NFIA: variants seen among roughly 807,000 people sequenced by gnomAD.
NFIA encodes nuclear factor 1 A-type.
Under a neutral mutation model 62.8 loss-of-function variants are expected in NFIA, and 8 were observed. The observed-to-expected ratio is 0.13, with a 90% CI of 0.07 to 0.23. The LOEUF (loss-of-function observed/expected upper bound fraction) is 0.23, where lower values mean the gene tolerates loss of function less well. Among genes scored for constraint, NFIA ranks in the 10% least tolerant of loss-of-function variants. The probability of loss-of-function intolerance (pLI) is 1.00; values close to 1 mark genes in which losing one functional copy is unlikely to be tolerated. For missense variants in NFIA, 410 were observed against 642.1 expected (o/e 0.64, Z 3.91); for synonymous variants, 235 against 238.1 (o/e 0.99, Z 0.12).
upstream of NFIA, among the ~76,000 whole-genome samples, chr1:61,077,898 AT>A (rs1317696376): frequency 2.9e-5 from 4 of 135,760 alleles, no homozygotes; most frequent in East Asian, 2.1e-4. Flanking sequence ...AGCTTGACAG[AT>A]TTTTTTTTCC....
intron 2 of NFIA, among the ~76,000 whole-genome samples, chr1:61,099,211 A>G (rs1221647833): frequency 2.0e-5 from 3 of 152,218 alleles, no homozygotes; most frequent in Non-Finnish European, 2.9e-5. Flanking sequence ...CTGATTATGC[A>G]TAGCTTTTTA....
chr1:61,313,907 G>A (rs955261639), intron 3 of NFIA, among the ~76,000 whole-genome samples: 10 of 152,142 alleles, frequency 6.6e-5, no homozygotes, highest in African/African-American at 1.9e-4. Flanking sequence ...GTTACTGTCT[G>A]TGTGACCTTA....
chr1:61,414,207 T>G lies in NFIA; in HGVS notation c.1420+7480T>G, dbSNP rs185774064. 5.6e-3 allele frequency among the ~76,000 whole-genome samples: 845 copies of G among 152,184 alleles called. 6 individuals carry two copies. Among genetic ancestry groups the G allele is most frequent in the South Asian group, 7.9e-3 (38 of 4,814 alleles). ...CATGTTGGCCAGGCTAGTCTCAAAC[T>G]CCTGGCCTCAAGCGGTCCACCTGCC... On this transcript the variant is annotated intron_variant, in intron 9 of 10. Coordinates refer to ENST00000403491, the MANE Select transcript of NFIA (RefSeq NM_001134673.4).
At chr1:61,329,875 T>A (rs183087185) in intron 3 of NFIA, among the ~76,000 whole-genome samples, 1 of 152,254 alleles carries the variant, frequency 6.6e-6, no homozygotes, top group African/African-American at 2.4e-5. Context: ...AGAGAGATGA[T>A]AGACAGCACA....
intron 3 of NFIA, among the ~76,000 whole-genome samples, chr1:61,310,004 G>T (rs1660013045): frequency 6.6e-6 from 1 of 152,202 alleles, no homozygotes; most frequent in Non-Finnish European, 1.5e-5. Flanking sequence ...TAAAATGGAA[G>T]TCTGTTTTTA....
intron 9 of NFIA, among the ~76,000 whole-genome samples, chr1:61,416,680 A>G (rs1332996004): frequency 6.6e-6 from 1 of 152,214 alleles, no homozygotes; most frequent in Non-Finnish European, 1.5e-5. Flanking sequence ...AGAATTATTA[A>G]AAATCAAGCA....
chr1:61,142,565 G>C (rs1647609716), intron 2 of NFIA, among the ~76,000 whole-genome samples: 1 of 152,066 alleles, frequency 6.6e-6, no homozygotes, highest in Non-Finnish European at 1.5e-5. Context: ...AGTCCAAATG[G>C]GTACCTTTCT....
In NFIA at chr1:61,453,736, G is replaced by A. The variant is rs949838721; in HGVS notation, c.1513-1567G>A. Reference sequence around the variant, plus strand: ...GAAGGGAGGAAGCGGCTCTAACGTGGATGAGAGTCAGCTGTTAGGTAGAGG... The same window carrying A: ...GAAGGGAGGAAGCGGCTCTAACGTGAATGAGAGTCAGCTGTTAGGTAGAGG... On this transcript the variant is annotated intron_variant, in intron 10 of 10. Transcript: ENST00000403491. Among the ~76,000 whole-genome samples, 6 of 152,190 alleles carry A rather than the reference G, an allele frequency of 3.9e-5. No homozygotes were observed. The East Asian group carries it at 7.7e-4, about 20-fold the overall frequency.
intron 7 of NFIA, among the ~76,000 whole-genome samples, chr1:61,390,475 A>T (rs1399376427): frequency 6.6e-6 from 1 of 152,172 alleles, no homozygotes; most frequent in African/African-American, 2.4e-5. Context: ...CTGTTTGGAG[A>T]GGTAGTCAGA....
chr1:61,089,935 T>G (rs1194493617), intron 2 of NFIA, among the ~76,000 whole-genome samples: 1 of 152,202 alleles, frequency 6.6e-6, no homozygotes, highest in African/African-American at 2.4e-5. Flanking sequence ...ATTTGCATTC[T>G]GTTGGCAGGG....
At chr1:61,155,278 A>C (rs149163317) in intron 2 of NFIA, among the ~76,000 whole-genome samples, 1 of 152,342 alleles carries the variant, frequency 6.6e-6, no homozygotes, top group Admixed American at 6.5e-5. Flanking sequence ...TACATGCTGG[A>C]TCACCCATAT....
intron 2 of NFIA, among the ~76,000 whole-genome samples, chr1:61,151,948 C>T (rs912828742): frequency 2.0e-5 from 3 of 152,198 alleles, no homozygotes; most frequent in Non-Finnish European, 2.9e-5. Context: ...TGGCATCTCT[C>T]ACTTAAGAAC....
chr1:61,134,298 C>T (rs1426098893), intron 2 of NFIA, among the ~76,000 whole-genome samples: 1 of 149,394 alleles, frequency 6.7e-6, no homozygotes, highest in East Asian at 2.0e-4. Flanking sequence ...ACAGAAAATC[C>T]TTTATCTCTT....
At chr1:61,268,276 C>T (rs1373404873) in intron 2 of NFIA, among the ~76,000 whole-genome samples, 11 of 152,202 alleles carry the variant, frequency 7.2e-5, no homozygotes, top group Admixed American at 6.5e-4. Flanking sequence ...GCCATTCTTA[C>T]TCCTATCCTT....
At chr1:61,112,389 C>G (rs1030026601) in intron 2 of NFIA, among the ~76,000 whole-genome samples, 1 of 151,982 alleles carries the variant, frequency 6.6e-6, no homozygotes, top group Admixed American at 6.6e-5. Flanking sequence ...CCATGACTTA[C>G]TAGGTGTTAT....
intron 10 of NFIA, among the ~76,000 whole-genome samples, chr1:61,443,129 T>A (rs1667658127): frequency 6.6e-6 from 1 of 152,202 alleles, no homozygotes; most frequent in South Asian, 2.1e-4. Flanking sequence ...CTCGTGCTAT[T>A]ATTGAACATG....
chr1:61,433,151 GTTAGTC>G (rs1449707678), intron 10 of NFIA, among the ~76,000 whole-genome samples: 1 of 152,182 alleles, frequency 6.6e-6, no homozygotes, highest in Non-Finnish European at 1.5e-5. Flanking sequence ...AAGCCTTGAA[GTTAGTC>G]CCAGTGCTCC....
intron 2 of NFIA, among the ~76,000 whole-genome samples, chr1:61,242,504 CA>C (rs1166964322): frequency 1.3e-5 from 2 of 152,092 alleles, no homozygotes; most frequent in African/African-American, 4.8e-5. Context: ...TATAAATAAC[CA>C]GTACTAAACT....
upstream of NFIA, chr1:61,077,296 C>G (rs1646043961): frequency 7.1e-6 from 2 of 280,790 alleles, no homozygotes; most frequent in Admixed American, 5.1e-5. Context: ...GCACGCAAGG[C>G]AAAACCAGAG....
Sources: allele counts gnomAD v4.1 joint callset (sites outside exome capture counted in the v4.1 genomes callset), GRCh38; gene constraint gnomAD v4.1.1; transcripts MANE v1.5; gene names NCBI Gene and HGNC (gene_info 2026-07-23, HGNC 2026-07-21).